Variants in POLR3H observed in about 807,000 individuals in gnomAD.
POLR3H encodes the protein RNA polymerase III subunit H.
POLR3H carries 17 observed loss-of-function variants against 25.5 expected under a neutral mutation model. The observed-to-expected ratio is 0.67, with a 90% CI of 0.46 to 1.00. POLR3H has a LOEUF of 1.00. POLR3H is among the 50% of genes least tolerant of loss of function. The pLI is 0.00. For synonymous variants in POLR3H, 129 were observed against 103.0 expected (o/e 1.25, Z -1.53); for missense variants, 274 against 265.0 (o/e 1.03, Z -0.24).
At position 41,526,417 on chromosome 22, in the gene POLR3H, G is replaced by C. The variant is rs2066597442; in HGVS notation, c.*2866C>G. 4 of 1,613,692 alleles carry C rather than the reference G, an allele frequency of 2.5e-6. No individual in the cohort carries two copies. Among genetic ancestry groups the C allele is most frequent in the Non-Finnish European group, 3.4e-6 (4 of 1,179,898 alleles). ...CCGTGCGCAATGCCGTCACTCAGGA[G>C]TTTGGCCCCGTCCCTGACACTGCCC... On this transcript the variant is annotated 3_prime_UTR_variant, in exon 6 of 6. Coordinates refer to ENST00000355209, the MANE Select transcript of POLR3H (RefSeq NM_001018050.4).
At chr22:41,529,791 T>C (rs2066687551) in intron 5 of POLR3H, 1 of 433,158 alleles carries the variant, frequency 2.3e-6, no homozygotes, top group East Asian at 7.0e-5. Flanking sequence ...AGTCTCGCAC[T>C]GTCACCCGGG....
chr22:41,532,036 C>T, intron 4 of POLR3H, 58 bp downstream of exon 4: 2 of 1,515,832 alleles, frequency 1.3e-6, no homozygotes, highest in African/African-American at 1.4e-5. Context: ...GAGTGGGGAC[C>T]TTCCTTTGGA....
intron 2 of POLR3H, among the ~76,000 whole-genome samples, chr22:41,536,246 T>C (rs1389314695): frequency 6.6e-6 from 1 of 150,802 alleles, no homozygotes; most frequent in Non-Finnish European, 1.5e-5. Flanking sequence ...CAAAAAAAAA[T>C]TAGCCGGGCG....
chr22:41,529,581 T>C (rs1268675626), intron 5 of POLR3H: 1 of 698,944 alleles, frequency 1.4e-6, no homozygotes, highest in African/African-American at 1.7e-5. Flanking sequence ...TCCTCACCCT[T>C]AGGCCTGCCC....
chr22:41,530,067 AATCTCAGGGCTTTG>A (rs1022184264), intron 5 of POLR3H, among the ~76,000 whole-genome samples: 4 of 150,010 alleles, frequency 2.7e-5, no homozygotes, highest in African/African-American at 9.8e-5. Flanking sequence ...CCCTACCCTT[AATCTCAGGGCTTTG>A]ATCTCTCCCA....
intron 2 of POLR3H, 109 bp downstream of exon 2, chr22:41,540,590 G>A (rs1247643681): frequency 3.6e-6 from 3 of 826,284 alleles, no homozygotes; most frequent in Admixed American, 3.7e-5. Context: ...AGATCCTTCC[G>A]CCCTCAGCCT....
rs2066628024 is a variant in POLR3H at position 41,527,573 on chromosome 22, G to A, written c.*1710C>T. 9.1e-7 allele frequency: 1 copy of A among 1,094,800 alleles called. No homozygotes were observed. The highest frequency in any genetic ancestry group is 1.3e-6 in the Non-Finnish European group (1 of 779,570). The allele number at this position is 1,094,800 out of a possible 1,614,324, so 67.8% of individuals were successfully genotyped here. A position where few individuals can be genotyped will look rare whatever the true frequency, so the allele number is the denominator to read the frequency against. ...TCTTGCCCCTTCTTAGGCTCACACA[G>A]TGCACATCCGACGCTCAGCTTCCCG... On this transcript the variant is annotated 3_prime_UTR_variant, in exon 6 of 6. Transcript: ENST00000355209.
intron 1 of POLR3H, among the ~76,000 whole-genome samples, chr22:41,542,914 A>G (rs1229388764): frequency 1.3e-5 from 2 of 152,106 alleles, no homozygotes; most frequent in African/African-American, 2.4e-5. Context: ...GAAGCAGAAG[A>G]ATAGCTTGAA....
rs369693870 is a variant in POLR3H at position 41,528,462 on chromosome 22, C to T, written c.*821G>A. On this transcript the variant is annotated 3_prime_UTR_variant, in exon 6 of 6. Coordinates refer to ENST00000355209, the MANE Select transcript of POLR3H (RefSeq NM_001018050.4). Reference sequence around the variant, plus strand: ...CAGTACCCACCACTTCCACCCACACCCACCTTCTCCTTGCAGCCCCTGAAG... The same window carrying T: ...CAGTACCCACCACTTCCACCCACACTCACCTTCTCCTTGCAGCCCCTGAAG... The T allele has an allele frequency of 9.3e-6, 15 of 1,611,016 alleles. No individual in the cohort carries two copies. The highest frequency in any genetic ancestry group is 1.3e-5 in the Non-Finnish European group (15 of 1,179,550).
chr22:41,530,997 G>A (rs533566459), intron 4 of POLR3H, 109 bp from the exon 5 acceptor site: 67 of 1,069,344 alleles, frequency 6.3e-5, no homozygotes, highest in Non-Finnish European at 9.1e-5. Flanking sequence ...GATCACTGTG[G>A]CTGGGAAGTC....
At chr22:41,540,334 G>C in intron 2 of POLR3H, 1 of 363,860 alleles carries the variant, frequency 2.7e-6, no homozygotes, top group Non-Finnish European at 5.3e-6. Flanking sequence ...AAACCAACTA[G>C]TCCACATCCC....
intron 2 of POLR3H, among the ~76,000 whole-genome samples, chr22:41,533,147 G>A (rs2066774898): frequency 6.6e-6 from 1 of 152,244 alleles, no homozygotes; most frequent in African/African-American, 2.4e-5. Flanking sequence ...CTGACCTGGA[G>A]AGGAGGCTAA....
intron 2 of POLR3H, among the ~76,000 whole-genome samples, chr22:41,534,648 T>C (rs1406197554): frequency 6.6e-6 from 1 of 151,874 alleles, no homozygotes; most frequent in Non-Finnish European, 1.5e-5. Flanking sequence ...TCCCAGCACT[T>C]TGGGAGGTCG....
chr22:41,529,366 ACT>A, intron 5 of POLR3H, 30 bp from the exon 6 acceptor site: 2 of 1,610,166 alleles, frequency 1.2e-6, no homozygotes, highest in Non-Finnish European at 1.7e-6. Flanking sequence ...CGCACATTTC[ACT>A]GACATGCTGG....
chr22:41,526,896 C>T lies in POLR3H; in HGVS notation c.*2387G>A, dbSNP rs1344865628. ...CAGCCGGGTGAAAGGACTCTGGCAC[C>T]CCCTGGTGGCTGGGTGGGGCAGAGG... On this transcript the variant is annotated 3_prime_UTR_variant, in exon 6 of 6. Transcript: ENST00000355209. The T allele has an allele frequency of 3.0e-6, 1 of 330,880 alleles. No homozygotes were observed. Among genetic ancestry groups the T allele is most frequent in the African/African-American group, 2.1e-5 (1 of 46,744 alleles). The allele number at this position is 330,880 out of a possible 1,614,324, so 20.5% of individuals were successfully genotyped here. A position where few individuals can be genotyped will look rare whatever the true frequency, so the allele number is the denominator to read the frequency against.
chr22:41,537,629 G>T (rs76215995), intron 2 of POLR3H, among the ~76,000 whole-genome samples: 1 of 152,288 alleles, frequency 6.6e-6, no homozygotes, highest in Non-Finnish European at 1.5e-5. Flanking sequence ...GAGAAGCAGA[G>T]GTACCCGCCC....
intron 2 of POLR3H, among the ~76,000 whole-genome samples, chr22:41,537,929 T>C (rs2145564124): frequency 6.6e-6 from 1 of 151,526 alleles, no homozygotes; most frequent in African/African-American, 2.4e-5. Context: ...CCCAGGGAGC[T>C]GAGATTACAG....
intron 5 of POLR3H, 32 bp downstream of exon 5, chr22:41,530,655 A>G: frequency 1.3e-6 from 2 of 1,587,170 alleles, no homozygotes; most frequent in Non-Finnish European, 1.7e-6. Context: ...CTCCCGCCTC[A>G]TGGGGGCTTC....
chr22:41,534,954 T>C (rs986130000), intron 2 of POLR3H, among the ~76,000 whole-genome samples: 35 of 149,536 alleles, frequency 2.3e-4, no homozygotes, highest in African/African-American at 8.7e-4. Context: ...CTGATGAGGG[T>C]GTTGTTCCTG....
Sources: allele counts gnomAD v4.1 joint callset (sites outside exome capture counted in the v4.1 genomes callset), GRCh38; gene constraint gnomAD v4.1.1; transcripts MANE v1.5; gene names NCBI Gene and HGNC (gene_info 2026-07-23, HGNC 2026-07-21).